Variants in STAU1 observed in about 807,000 individuals in gnomAD.
STAU1 encodes double-stranded RNA-binding protein Staufen homolog 1.
STAU1 carries 13 observed loss-of-function variants against 62.9 expected under a neutral mutation model. That is an observed-to-expected ratio of 0.21 (90% CI 0.13 to 0.33). The LOEUF (loss-of-function observed/expected upper bound fraction) is 0.33. STAU1 is among the 10% of genes least tolerant of loss of function. The pLI, the probability that STAU1 is intolerant of heterozygous loss-of-function variation, is 1.00. For missense variants in STAU1, 571 were observed against 712.1 expected (o/e 0.80, Z 2.25); for synonymous variants, 269 against 265.1 (o/e 1.01, Z -0.14).
chr20:49,161,163 T>TA (rs879681419), intron 3 of STAU1, among the ~76,000 whole-genome samples: 3,402 of 138,124 alleles, frequency 0.025, 59 homozygotes, highest in African/African-American at 0.046. Flanking sequence ...CACAAAGAAT[T>TA]AAAAAAAAAA....
the STAU1 span, among the ~76,000 whole-genome samples, chr20:49,211,503 T>G: frequency 1.3e-5 from 2 of 151,858 alleles, no homozygotes; most frequent in Non-Finnish European, 2.9e-5. Flanking sequence ...TGCCTCAGCC[T>G]CCTTTTTTTC....
At chr20:49,179,258 AAAAG>A (rs1042922990) in intron 1 of STAU1, 2 of 152,110 alleles carry the variant, frequency 1.3e-5, no homozygotes, top group African/African-American at 4.8e-5. Flanking sequence ...AAAAAAAAAA[AAAAG>A]AAGATAAAAA....
intron 3 of STAU1, among the ~76,000 whole-genome samples, chr20:49,157,142 G>A (rs1414094592): frequency 6.6e-6 from 1 of 152,138 alleles, no homozygotes; most frequent in Non-Finnish European, 1.5e-5. Context: ...CTCCCAAAGT[G>A]CTGGGATTAC....
At chr20:49,145,841 A>G (rs1312150992) in intron 5 of STAU1, among the ~76,000 whole-genome samples, 1 of 151,704 alleles carries the variant, frequency 6.6e-6, no homozygotes, top group Admixed American at 6.6e-5. Context: ...ACAGGGTACT[A>G]TGATCATGTC....
At chr20:49,132,134 G>A (rs889130023) in intron 6 of STAU1, among the ~76,000 whole-genome samples, 1 of 151,974 alleles carries the variant, frequency 6.6e-6, no homozygotes, top group Non-Finnish European at 1.5e-5. Context: ...GCCTGCTTAG[G>A]CACCCGTGGA....
chr20:49,176,369 A>T (rs1289712748), intron 1 of STAU1, among the ~76,000 whole-genome samples: 1 of 152,170 alleles, frequency 6.6e-6, no homozygotes, highest in Non-Finnish European at 1.5e-5. Flanking sequence ...TACATTACAG[A>T]ATTTGAGTTT....
chr20:49,209,400 A>G, the STAU1 span, among the ~76,000 whole-genome samples: 2 of 150,738 alleles, frequency 1.3e-5, no homozygotes, highest in Non-Finnish European at 2.9e-5. Context: ...CTGATCAATA[A>G]ATTGGCTTAC....
chr20:49,194,873 C>G, the STAU1 span, among the ~76,000 whole-genome samples: 2 of 151,880 alleles, frequency 1.3e-5, no homozygotes, highest in African/African-American at 4.8e-5. Context: ...GCCACCCTGT[C>G]AGCTTGTAAT....
chr20:49,124,204 C>T (rs1252697710), intron 7 of STAU1, among the ~76,000 whole-genome samples, 171 bp downstream of exon 7: 1 of 152,192 alleles, frequency 6.6e-6, no homozygotes, highest in Non-Finnish European at 1.5e-5. Flanking sequence ...ACACAATGTC[C>T]TTATCTTACC....
chr20:49,203,551 C>A, the STAU1 span, among the ~76,000 whole-genome samples: 1 of 152,014 alleles, frequency 6.6e-6, no homozygotes, highest in African/African-American at 2.4e-5. Context: ...TTTAAGGTGA[C>A]GATTCGAGAG....
At chr20:49,134,518 C>T (rs983118899) in intron 6 of STAU1, 10 of 1,246,586 alleles carry the variant, frequency 8.0e-6, no homozygotes, top group African/African-American at 1.5e-5. Flanking sequence ...ATCCTGACAC[C>T]AAACTCATCG....
At chr20:49,115,746 C>A (rs749177299) in intron 13 of STAU1, 36 bp downstream of exon 13, 36 of 1,554,368 alleles carry the variant, frequency 2.3e-5, no homozygotes, top group Non-Finnish European at 2.9e-5. Context: ...GCAGCCTCCC[C>A]ATCATCAGCG....
the STAU1 span, among the ~76,000 whole-genome samples, chr20:49,202,957 G>A: frequency 2.6e-5 from 4 of 151,832 alleles, no homozygotes; most frequent in African/African-American, 7.3e-5. Flanking sequence ...CATGAGAATC[G>A]CTTGAACCCA....
At chr20:49,153,251 GAA>G (rs71184266) in intron 4 of STAU1, among the ~76,000 whole-genome samples, 4 of 99,058 alleles carry the variant, frequency 4.0e-5, no homozygotes, top group Admixed American at 1.2e-4. Flanking sequence ...CTCCGTCTCA[GAA>G]AAAAAAAAAA....
chr20:49,135,463 T>C (rs2092857500), intron 6 of STAU1, among the ~76,000 whole-genome samples: 1 of 152,238 alleles, frequency 6.6e-6, no homozygotes, highest in South Asian at 2.1e-4. Context: ...AAAATTACTC[T>C]GAAGAGACCT....
chr20:49,182,560 C>T (rs899295257), intron 1 of STAU1, among the ~76,000 whole-genome samples: 19 of 152,114 alleles, frequency 1.2e-4, no homozygotes, highest in Non-Finnish European at 2.5e-4. Context: ...GAAGGTATGC[C>T]GGGCACAGTG....
Position 49,125,071 on chromosome 20 carries a change from T to TTAAAA in STAU1, c.610-485_610-484insTTTTA, listed in dbSNP as rs755456990. ...AGAGGGATTCCCCGCACACATTAAG[T>TTAAAA]AAAAAAAAAAAAAAAAAAAACCCAC... is the stretch of plus-strand genomic sequence containing the variant. On this transcript the variant is annotated intron_variant, in intron 6 of 13. Coordinates refer to ENST00000371856, the MANE Select transcript of STAU1 (RefSeq NM_017453.4). Among the ~76,000 whole-genome samples the TTAAAA allele has an allele frequency of 1.9e-4, 16 of 83,852 alleles. 1 individual carries two copies. Among genetic ancestry groups the TTAAAA allele is most frequent in the Admixed American group, 4.9e-4 (3 of 6,124 alleles). 55.0% of individuals were successfully genotyped at this position (83,852 alleles called of 152,430 possible). A position where few individuals can be genotyped will look rare whatever the true frequency, so the allele number is the denominator to read the frequency against.
chr20:49,177,662 G>A (rs1294779149), intron 1 of STAU1, among the ~76,000 whole-genome samples: 1 of 151,438 alleles, frequency 6.6e-6, no homozygotes, highest in East Asian at 2.0e-4. Context: ...CTGGATGACA[G>A]AGTGAGACTC....
chr20:49,187,656 G>T (rs548733836), intron 1 of STAU1, among the ~76,000 whole-genome samples: 4 of 152,154 alleles, frequency 2.6e-5, no homozygotes, highest in African/African-American at 9.6e-5. Context: ...TTGCCTAACG[G>T]GGCAGAGCCG....
Sources: allele counts gnomAD v4.1 joint callset (sites outside exome capture counted in the v4.1 genomes callset), GRCh38; gene constraint gnomAD v4.1.1; transcripts MANE v1.5; gene names NCBI Gene and HGNC (gene_info 2026-07-23, HGNC 2026-07-21).